USP38: variants seen among roughly 807,000 people sequenced by gnomAD.
USP38 encodes the protein ubiquitin specific peptidase 38.
USP38 carries 49 observed loss-of-function variants against 94.3 expected under a neutral mutation model. That is an observed-to-expected ratio of 0.52 (90% CI 0.41 to 0.66). USP38 has a LOEUF of 0.66. USP38 is among the 30% of genes least tolerant of loss of function. The pLI, the probability that USP38 is intolerant of heterozygous loss-of-function variation, is 0.00. For missense variants in USP38, 1,128 were observed against 1,229.4 expected, an observed-to-expected ratio of 0.92 and a Z score of 1.23; for synonymous variants, 468 against 463.6, an observed-to-expected ratio of 1.01 and a Z score of -0.12.
In USP38 at chr4:143,185,198, T is replaced by G; in HGVS notation, c.-253T>G. ...TCGAGGGCCCGGGGCGGCGGCGGAGTACGGGCCTCTGGCGCCTTAGGCCAG... is the reference window on the plus strand; with the variant it reads ...TCGAGGGCCCGGGGCGGCGGCGGAGGACGGGCCTCTGGCGCCTTAGGCCAG... On this transcript the variant is annotated 5_prime_UTR_variant, in exon 1 of 10. Transcript: ENST00000307017. 2.4e-6 allele frequency: 1 copy of G among 415,164 alleles called. No homozygotes were observed. Among genetic ancestry groups the G allele is most frequent in the Non-Finnish European group, 4.3e-6 (1 of 233,720 alleles). 25.7% of individuals were successfully genotyped at this position (415,164 alleles called of 1,614,324 possible).
chr4:143,201,663 G>C (rs1302576039), intron 4 of USP38, among the ~76,000 whole-genome samples: 1 of 151,966 alleles, frequency 6.6e-6, no homozygotes, highest in African/African-American at 2.4e-5. Flanking sequence ...GGGTCAGGTT[G>C]CTTTTCTTAT....
chr4:143,186,199 T>C, intron 1 of USP38, 67 bp downstream of exon 1: 1 of 1,474,704 alleles, frequency 6.8e-7, no homozygotes, highest in Non-Finnish European at 9.3e-7. Flanking sequence ...CACACACACA[T>C]TCACACCATG....
At chr4:143,206,979 C>T (rs1221842575) in intron 6 of USP38, among the ~76,000 whole-genome samples, 2 of 152,208 alleles carry the variant, frequency 1.3e-5, no homozygotes, top group East Asian at 3.8e-4. Context: ...TATAAACAGA[C>T]ATGTTCCTTT....
intron 7 of USP38, among the ~76,000 whole-genome samples, chr4:143,211,046 T>C (rs139059877): frequency 7.1e-4 from 108 of 152,126 alleles, no homozygotes; most frequent in African/African-American, 2.6e-3. Flanking sequence ...AAATTGATTT[T>C]TGTGCTTTAT....
At chr4:143,187,772 T>C in intron 1 of USP38, 54 bp from the exon 2 acceptor site, 1 of 1,543,718 alleles carries the variant, frequency 6.5e-7, no homozygotes. Flanking sequence ...TTGTTCTTTT[T>C]AAATACTTGA....
At chr4:143,213,453 A>G (rs922266619) in intron 8 of USP38, 128 bp from the exon 9 acceptor site, 21 of 1,105,568 alleles carry the variant, frequency 1.9e-5, no homozygotes, top group Non-Finnish European at 2.5e-5. Flanking sequence ...TTTAATTAAA[A>G]CAGGAAAAAC....
intron 3 of USP38, among the ~76,000 whole-genome samples, chr4:143,196,633 C>T (rs1304109165): frequency 6.6e-6 from 1 of 152,150 alleles, no homozygotes; most frequent in Non-Finnish European, 1.5e-5. Context: ...AGTCTTTGGT[C>T]CATTTTCTTC....
In USP38 at chr4:143,185,382, C is replaced by A. The variant is rs1454805615; in HGVS notation, c.-69C>A. 6.7e-7 allele frequency: 1 copy of A among 1,493,946 alleles called. No individual in the cohort carries two copies. The highest frequency in any genetic ancestry group is 2.3e-5 in the East Asian group (1 of 43,772). The allele number at this position is 1,493,946 out of a possible 1,614,324, so 92.5% of individuals were successfully genotyped here. A position where few individuals can be genotyped will look rare whatever the true frequency, so the allele number is the denominator to read the frequency against. On this transcript the variant is annotated 5_prime_UTR_variant, in exon 1 of 10. Transcript: ENST00000307017. ...AAGTTCATCTCCGCCCCGGGGCTCTCCTGCCCCACCTCGGGGCTGCCGCCA... is the reference window on the plus strand; with the variant it reads ...AAGTTCATCTCCGCCCCGGGGCTCTACTGCCCCACCTCGGGGCTGCCGCCA...
rs769990808 is a variant in USP38 at position 143,185,853 on chromosome 4, G to T, written c.403G>T (p.Val135Leu). Reference protein sequence around the residue: ...SLLQVEVLRMVCERPEPQLCA... With the variant: ...SLLQVEVLRMLCERPEPQLCA... ...CCTGCAGGTAGAGGTGTTACGGATG[G>T]TGTGTGAGAGGCCGGAGCCGCAGCT... The change falls in exon 1 of 10, where the codon GTG becomes TTG. Residue 135 changes from valine to leucine, a missense_variant. Physicochemically the swap from Val to Leu is conservative, Grantham distance 32. Coordinates refer to ENST00000307017, the MANE Select transcript of USP38 (RefSeq NM_032557.6). The T allele has an allele frequency of 1.9e-6, 3 of 1,614,208 alleles. No homozygotes were observed. In the Admixed American group the frequency reaches 5.0e-5, roughly 27 times the overall value.
rs530548890 is a variant in USP38 at position 143,207,776 on chromosome 4, C to T, written c.1403+1550C>T. On this transcript the variant is annotated intron_variant, in intron 6 of 9. Coordinates refer to ENST00000307017, the MANE Select transcript of USP38 (RefSeq NM_032557.6). ...AGAGGTCATCTAGTCCAGACATCTC[C>T]TTTTACAGATGACAGAGAAAACAAA... 3.3e-5 allele frequency among the ~76,000 whole-genome samples: 5 copies of T among 151,816 alleles called. No homozygotes were observed. In the East Asian group the frequency reaches 5.8e-4, roughly 18 times the overall value.
At position 143,185,915 on chromosome 4, in the gene USP38, G is replaced by T; in HGVS notation, c.465G>T (p.Val155=). ...TGAGCGACCTTCTGACCGACTTTGTGCAATGCATCCCCAAGGGGAAATTGT... is the reference window on the plus strand; with the variant it reads ...TGAGCGACCTTCTGACCGACTTTGTTCAATGCATCCCCAAGGGGAAATTGT... ...ARLSDLLTDF[V]QCIPKGKLSI... Residue 155 remains valine (V), a synonymous_variant, in exon 1 of 10, where the codon GTG becomes GTT. Coordinates refer to ENST00000307017, the MANE Select transcript of USP38 (RefSeq NM_032557.6). The T allele has an allele frequency of 6.2e-7, 1 of 1,614,196 alleles. No individual in the cohort carries two copies.
At chr4:143,219,603 A>G (rs1487223964) in intron 9 of USP38, among the ~76,000 whole-genome samples, 1 of 152,150 alleles carries the variant, frequency 6.6e-6, no homozygotes, top group Non-Finnish European at 1.5e-5. Flanking sequence ...ATCCTCTCCC[A>G]GAAAAATAAG....
chr4:143,192,090 C>G (rs1354283181), intron 2 of USP38, among the ~76,000 whole-genome samples: 1 of 152,178 alleles, frequency 6.6e-6, no homozygotes, highest in Non-Finnish European at 1.5e-5. Context: ...TAATTGTTGA[C>G]AAATTTCCTA....
intron 1 of USP38, 84 bp from the exon 2 acceptor site, chr4:143,187,742 C>CT (rs927134272): frequency 0.062 from 58,943 of 950,318 alleles, no homozygotes; most frequent in Non-Finnish European, 0.067. Context: ...GCTGCAATGA[C>CT]TTTTTTTTTT....
rs1404135356 is a variant in USP38, at chr4:143,185,465, G to A, written c.15G>A (p.Leu5=). MDKI[L]EGLVSSSHPL... Reference sequence around the variant, plus strand: ...GCGTGGCGACAATGGACAAGATCCTGGAGGGCCTTGTGAGTTCCTCGCATC... The same window carrying A: ...GCGTGGCGACAATGGACAAGATCCTAGAGGGCCTTGTGAGTTCCTCGCATC... The change falls in exon 1 of 10, where the codon CTG becomes CTA. Residue 5 remains leucine, a synonymous_variant. Transcript: ENST00000307017. The A allele has an allele frequency of 3.8e-6, 6 of 1,593,882 alleles. No individual in the cohort carries two copies. The East Asian group carries it at 1.1e-4, about 30-fold the overall frequency.
intron 2 of USP38, among the ~76,000 whole-genome samples, chr4:143,189,702 C>A (rs1178599069): frequency 6.6e-6 from 1 of 152,060 alleles, no homozygotes; most frequent in South Asian, 2.1e-4. Context: ...CTTTGACTTT[C>A]GAGATTTGTG....
At chr4:143,215,058 T>G in intron 9 of USP38, 115 bp downstream of exon 9, 1 of 1,048,362 alleles carries the variant, frequency 9.5e-7, no homozygotes, top group South Asian at 1.7e-5. Context: ...GAAATATAGG[T>G]CTGGATTTAC....
Position 143,185,240 on chromosome 4 carries a change from T to G in USP38, c.-211T>G, listed in dbSNP as rs1291822541. 9 of 590,980 alleles carry G rather than the reference T, an allele frequency of 1.5e-5. No individual in the cohort carries two copies. Among genetic ancestry groups the G allele is most frequent in the Non-Finnish European group, 2.6e-5 (9 of 346,924 alleles). The allele number at this position is 590,980 out of a possible 1,614,324, so 36.6% of individuals were successfully genotyped here. ...TTAGGCCAGCCGCAGGTGTCGGTTC[T>G]TAGGCTCTCCAGGCTCGCTAGCTCC... On this transcript the variant is annotated 5_prime_UTR_variant, in exon 1 of 10. Coordinates refer to ENST00000307017, the MANE Select transcript of USP38 (RefSeq NM_032557.6).
chr4:143,203,709 G>C (rs1731782604), intron 5 of USP38, 143 bp downstream of exon 5: 1 of 766,260 alleles, frequency 1.3e-6, no homozygotes, highest in South Asian at 2.5e-5. Context: ...GTTTCATTTA[G>C]GGAGTAACAG....
Sources: gnomAD v4.1 joint callset for allele counts (sites outside exome capture counted in the v4.1 genomes callset) on GRCh38, gnomAD v4.1.1 for gene constraint, MANE v1.5 for transcripts, NCBI Gene and HGNC (gene_info 2026-07-23, HGNC 2026-07-21) for gene names.